Variants in CHP2 observed in about 807,000 individuals in gnomAD.
CHP2 encodes calcineurin like EF-hand protein 2.
Under a neutral mutation model 24.7 loss-of-function variants are expected in CHP2, and 31 were observed. That is an observed-to-expected ratio of 1.26 (90% CI 0.94 to 1.69). The LOEUF (loss-of-function observed/expected upper bound fraction) is 1.69, where lower values mean the gene tolerates loss of function less well. Ranked by LOEUF, CHP2 falls within the 40% of genes most tolerant of loss-of-function variation. CHP2 has a pLI of 0.00. For missense variants in CHP2, 319 were observed against 261.5 expected, an observed-to-expected ratio of 1.22 and a Z score of -1.52; for synonymous variants, 97 against 99.1, an observed-to-expected ratio of 0.98 and a Z score of 0.13.
Position 23,757,622 on chromosome 16 carries a change from C to G in CHP2, c.*39C>G, listed in dbSNP as rs770240666. ...TTGGGCTTGCTCCTGCAACCAGTAT[C>G]TCCTTGGAATTCATCCAAAGCCCCC... is the stretch of plus-strand genomic sequence containing the variant. On this transcript the variant is annotated 3_prime_UTR_variant, in exon 7 of 7. Transcript: ENST00000300113. The G allele has an allele frequency of 7.1e-5, 112 of 1,577,838 alleles. 1 individual carries two copies. The South Asian group carries it at 1.2e-3, about 17-fold the overall frequency.
intron 5 of CHP2, 108 bp downstream of exon 5, chr16:23,756,557 T>G: frequency 1.0e-6 from 1 of 952,678 alleles, no homozygotes; most frequent in Non-Finnish European, 1.7e-6. Flanking sequence ...GCGCAGATAA[T>G]TGGGGTATTG....
In CHP2 at chr16:23,755,111, C is replaced by A. The variant is rs1369951826; in HGVS notation, c.62C>A (p.Thr21Asn). 5 of 1,600,256 alleles carry A rather than the reference C, an allele frequency of 3.1e-6. No homozygotes were observed. In the South Asian group the frequency reaches 4.4e-5, roughly 14 times the overall value. ...GACGGGGACAGTATTCGGCGAGAGA[C>A]CGGCTGTGAGTGCGCCCGCGTCGGC... ...IPDGDSIRRE[T>N]GFSQASLLRL... The change falls in exon 1 of 7, where the codon ACC becomes AAC. Residue 21 changes from threonine to asparagine, a missense_variant. By Grantham distance (65) the Thr-to-Asn change is moderately conservative (BLOSUM62 0). Coordinates refer to ENST00000300113, the MANE Select transcript of CHP2 (RefSeq NM_022097.4).
Position 23,757,298 on chromosome 16 carries a change from C to T in CHP2, c.512C>T (p.Ala171Val), listed in dbSNP as rs756892483. 1.2e-6 allele frequency: 2 copies of T among 1,612,958 alleles called. No homozygotes were observed. The highest frequency in any genetic ancestry group is 1.7e-6 in the Non-Finnish European group (2 of 1,179,370). ...VQEADEDGDGAVSFVEFTKSL... is the reference protein window; with the variant it reads ...VQEADEDGDGVVSFVEFTKSL... The stretch of plus-strand genomic sequence containing the variant: ...GAGGCTGATGAAGATGGGGATGGGG[C>T]TGTGTCCTTCGTGGAGTTCACCAAG... Residue 171 changes from alanine to valine, a missense_variant, in exon 6 of 7, where the codon GCT (alanine) becomes GTT (valine). Ala to Val is a moderately conservative substitution (Grantham distance 64). Coordinates refer to ENST00000300113, the MANE Select transcript of CHP2 (RefSeq NM_022097.4).
intron 1 of CHP2, 161 bp downstream of exon 1, chr16:23,755,277 T>C (rs1390201504): frequency 1.6e-6 from 1 of 609,848 alleles, no homozygotes; most frequent in Admixed American, 3.1e-5. Flanking sequence ...GATCGCTGGG[T>C]TAGGGGCGGG....
At position 23,755,861 on chromosome 16, in the gene CHP2, A is replaced by T; in HGVS notation, c.155A>T (p.Gln52Leu). ...KKGYLSRMDL[Q>L]QIGALAVNPL... is the part of the protein sequence containing the mutation. The stretch of plus-strand genomic sequence containing the variant: ...TGGCTTTGCAGCCGCATGGATCTCC[A>T]GCAGATAGGGGCGCTCGCCGTGAAC... The change falls in exon 3 of 7, where the codon CAG becomes CTG. Residue 52 changes from glutamine to leucine, a missense_variant. Coordinates refer to ENST00000300113, the MANE Select transcript of CHP2 (RefSeq NM_022097.4). 1 of 1,614,164 alleles carries T rather than the reference A, an allele frequency of 6.2e-7. No homozygotes were observed. The highest frequency in any genetic ancestry group is 8.5e-7 in the Non-Finnish European group (1 of 1,180,036).
intron 1 of CHP2, chr16:23,755,367 A>G: frequency 1.7e-6 from 1 of 596,440 alleles, no homozygotes; most frequent in Non-Finnish European, 3.0e-6. Context: ...CCAGGCACCC[A>G]GGTGTCCTCC....
In CHP2 at chr16:23,755,638, C is replaced by G. The variant is rs1402692038; in HGVS notation, c.68-23C>G. 5 of 1,610,086 alleles carry G rather than the reference C, an allele frequency of 3.1e-6. No individual in the cohort carries two copies. The East Asian group carries it at 6.7e-5, about 22-fold the overall frequency. On this transcript the variant is annotated intron_variant, in intron 1 of 6. Coordinates refer to ENST00000300113, the MANE Select transcript of CHP2 (RefSeq NM_022097.4). ...GCTGGCCCTGCAGAGTCACACACCCCCACCCCACTCTCCTTCCCGCAGTCT... is the reference window on the plus strand; with the variant it reads ...GCTGGCCCTGCAGAGTCACACACCCGCACCCCACTCTCCTTCCCGCAGTCT...
intron 1 of CHP2, 89 bp downstream of exon 1, chr16:23,755,205 G>A: frequency 3.2e-6 from 3 of 933,762 alleles, no homozygotes; most frequent in Non-Finnish European, 4.9e-6. Flanking sequence ...AAGGATGGAC[G>A]AACTTACAAG....
At chr16:23,756,632 T>C (rs1961229984) in intron 5 of CHP2, among the ~76,000 whole-genome samples, 183 bp downstream of exon 5, 1 of 152,050 alleles carries the variant, frequency 6.6e-6, no homozygotes. Flanking sequence ...GGGGAGCAGT[T>C]GACTATGAGG....
chr16:23,758,041 G>A lies in CHP2; in HGVS notation c.*458G>A. The A allele has an allele frequency of 4.9e-6, 1 of 203,076 alleles. No homozygotes were observed. Among genetic ancestry groups the A allele is most frequent in the Non-Finnish European group, 1.0e-5 (1 of 98,468 alleles). 12.6% of individuals were successfully genotyped at this position (203,076 alleles called of 1,614,324 possible). A position where few individuals can be genotyped will look rare whatever the true frequency, so the allele number is the denominator to read the frequency against. On this transcript the variant is annotated 3_prime_UTR_variant, in exon 7 of 7. Coordinates refer to ENST00000300113, the MANE Select transcript of CHP2 (RefSeq NM_022097.4). ...GAGTGCACAATCTAGATCCTTTGGTGTGCAGTTCACAGTAGGATTTGGGCT... is the reference window on the plus strand; with the variant it reads ...GAGTGCACAATCTAGATCCTTTGGTATGCAGTTCACAGTAGGATTTGGGCT...
chr16:23,756,561 G>A (rs1027705120), intron 5 of CHP2, 112 bp downstream of exon 5: 35 of 917,570 alleles, frequency 3.8e-5, no homozygotes, highest in Non-Finnish European at 5.6e-5. Flanking sequence ...AGATAATTGG[G>A]GTATTGGTTG....
In CHP2 at chr16:23,756,499, T is replaced by A. The variant is rs771926950; in HGVS notation, c.414+50T>A. 9.5e-6 allele frequency: 14 copies of A among 1,474,686 alleles called. No individual in the cohort carries two copies. In the African/African-American group the frequency reaches 1.5e-4, roughly 16 times the overall value. The allele number at this position is 1,474,686 out of a possible 1,614,324, so 91.4% of individuals were successfully genotyped here. A position where few individuals can be genotyped will look rare whatever the true frequency, so the allele number is the denominator to read the frequency against. ...ATGTGATGTGTGAAGGATGGGATGG[T>A]TAAATGCAATGGTGTGAGAGATGGG... On this transcript the variant is annotated intron_variant, in intron 5 of 6. Coordinates refer to ENST00000300113, the MANE Select transcript of CHP2 (RefSeq NM_022097.4).
In CHP2 at chr16:23,758,199, G is replaced by C. The variant is rs896146282; in HGVS notation, c.*616G>C. On this transcript the variant is annotated 3_prime_UTR_variant, in exon 7 of 7. Transcript: ENST00000300113. ...CCGCTCACCTTGTGCTGTGCAGCCCGGTTCCTAACAGACCACAGACCCCAC... is the reference window on the plus strand; with the variant it reads ...CCGCTCACCTTGTGCTGTGCAGCCCCGTTCCTAACAGACCACAGACCCCAC... 3 of 155,450 alleles carry C rather than the reference G, an allele frequency of 1.9e-5. No homozygotes were observed. Among genetic ancestry groups the C allele is most frequent in the Admixed American group, 1.3e-4 (2 of 15,872 alleles). 9.6% of individuals were successfully genotyped at this position (155,450 alleles called of 1,614,324 possible).
rs141549873 is a variant in CHP2, at chr16:23,756,132, C to G, written c.291C>G (p.Asp97Glu). 1.9e-6 allele frequency: 3 copies of G among 1,614,120 alleles called. No individual in the cohort carries two copies. In the African/African-American group the frequency reaches 4.0e-5, roughly 22 times the overall value. The part of the protein sequence containing the change: ...LAHFRPVEDE[D>E]TETQDPKKPE... ...ATTTTCGCCCTGTAGAAGATGAGGA[C>G]ACAGAAACCCAAGACCCCAAGAAAC... The change falls in exon 4 of 7, where the codon GAC becomes GAG. Residue 97 changes from aspartate (D) to glutamate (E), a missense_variant. By Grantham distance (45) the Asp-to-Glu change is conservative. Coordinates refer to ENST00000300113, the MANE Select transcript of CHP2 (RefSeq NM_022097.4).
In CHP2 at chr16:23,755,034, C is replaced by G. The variant is rs1961201113; in HGVS notation, c.-16C>G. 7 of 1,576,448 alleles carry G rather than the reference C, an allele frequency of 4.4e-6. No homozygotes were observed. The highest frequency in any genetic ancestry group is 1.1e-5 in the South Asian group (1 of 88,146). On this transcript the variant is annotated 5_prime_UTR_variant, in exon 1 of 7. Transcript: ENST00000300113. Reference sequence around the variant, plus strand: ...GTCCGGGTGGCTGCTCCGGCCCTTCCGCCTCCAGCTCGGCCATGGGGTCGC... The same window carrying G: ...GTCCGGGTGGCTGCTCCGGCCCTTCGGCCTCCAGCTCGGCCATGGGGTCGC...
chr16:23,755,635 C>T lies in CHP2; in HGVS notation c.68-26C>T, dbSNP rs113362337. On this transcript the variant is annotated intron_variant, in intron 1 of 6. Transcript: ENST00000300113. Reference sequence around the variant, plus strand: ...GGAGCTGGCCCTGCAGAGTCACACACCCCCACCCCACTCTCCTTCCCGCAG... The same window carrying T: ...GGAGCTGGCCCTGCAGAGTCACACATCCCCACCCCACTCTCCTTCCCGCAG... 2.5e-6 allele frequency: 4 copies of T among 1,607,836 alleles called. No individual in the cohort carries two copies. The South Asian group carries it at 3.3e-5, about 13-fold the overall frequency.
chr16:23,756,577 T>C (rs1163521741), intron 5 of CHP2, 128 bp downstream of exon 5: 6 of 776,316 alleles, frequency 7.7e-6, no homozygotes, highest in South Asian at 3.1e-5. Context: ...GGTTGGGAAA[T>C]GGGAATGGGT....
At chr16:23,755,598 G>T in intron 1 of CHP2, 63 bp from the exon 2 acceptor site, 1 of 1,417,354 alleles carries the variant, frequency 7.1e-7, no homozygotes, top group South Asian at 1.1e-5. Context: ...TGGCCTGTTG[G>T]GGCGGGTTTC....
At chr16:23,755,222 G>A (rs2141043558) in intron 1 of CHP2, 106 bp downstream of exon 1, 2 of 803,066 alleles carry the variant, frequency 2.5e-6, no homozygotes, top group African/African-American at 1.7e-5. Context: ...CAAGTCTGGG[G>A]TCCGGGGCTC....
Sources: allele counts gnomAD v4.1 joint callset (sites outside exome capture counted in the v4.1 genomes callset), GRCh38; gene constraint gnomAD v4.1.1; transcripts MANE v1.5; gene names NCBI Gene and HGNC (gene_info 2026-07-23, HGNC 2026-07-21).